The following GRID1 variants were observed in gnomAD, a reference collection of about 807,000 sequenced individuals.
GRID1 encodes the protein glutamate ionotropic receptor delta type subunit 1, also known as glutamate receptor ionotropic, delta-1.
GRID1 carries 28 observed loss-of-function variants against 98.0 expected under a neutral mutation model. The observed-to-expected ratio is 0.29, with a 90% CI of 0.21 to 0.39. The LOEUF is 0.39. GRID1 is among the 10% of genes least tolerant of loss of function. GRID1 has a pLI of 1.00. For missense variants in GRID1, 1,111 were observed against 1,340.5 expected (o/e 0.83, Z 2.67); for synonymous variants, 553 against 538.5 (o/e 1.03, Z -0.37).
chr10:85,655,753 A>G (rs1407042356), intron 12 of GRID1, among the ~76,000 whole-genome samples: 1 of 152,042 alleles, frequency 6.6e-6, no homozygotes, highest in African/African-American at 2.4e-5. Context: ...TTTTCTAGAG[A>G]ACTCCCTTCT....
chr10:85,917,353 TAA>T (rs201156384), intron 4 of GRID1, among the ~76,000 whole-genome samples: 4 of 151,890 alleles, frequency 2.6e-5, no homozygotes, highest in Admixed American at 2.6e-4. Context: ...CCCATCCCAT[TAA>T]AAAAAATATG....
chr10:85,632,165 G>A (rs1842983144), intron 13 of GRID1, among the ~76,000 whole-genome samples: 1 of 152,162 alleles, frequency 6.6e-6, no homozygotes, highest in Admixed American at 6.5e-5. Flanking sequence ...CTTGGTCTTG[G>A]CTTGACTGAG....
intron 13 of GRID1, among the ~76,000 whole-genome samples, chr10:85,630,001 T>C (rs750931264): frequency 6.6e-6 from 1 of 152,206 alleles, no homozygotes; most frequent in Non-Finnish European, 1.5e-5. Flanking sequence ...TGGCCATTTG[T>C]ATGTCTTTGT....
intron 2 of GRID1, among the ~76,000 whole-genome samples, chr10:86,236,025 G>T (rs1392316004): frequency 6.6e-6 from 1 of 152,108 alleles, no homozygotes; most frequent in Non-Finnish European, 1.5e-5. Context: ...AGTGTATGAG[G>T]GTTCCAGTTG....
chr10:85,788,280 G>A (rs540889175), intron 8 of GRID1, among the ~76,000 whole-genome samples: 23 of 152,192 alleles, frequency 1.5e-4, no homozygotes, highest in African/African-American at 5.1e-4. Context: ...GCAGGGAGGC[G>A]CAGTGAGCCT....
intron 12 of GRID1, among the ~76,000 whole-genome samples, chr10:85,665,018 C>T (rs1281812329): frequency 6.6e-6 from 1 of 152,130 alleles, no homozygotes; most frequent in Admixed American, 6.5e-5. Context: ...ACAGTATACA[C>T]TGTATATTAA....
intron 8 of GRID1, among the ~76,000 whole-genome samples, chr10:85,783,348 C>T (rs996607333): frequency 4.6e-5 from 7 of 152,108 alleles, no homozygotes; most frequent in South Asian, 2.1e-4. Flanking sequence ...CATCTGAAGG[C>T]GCTACTCTCT....
intron 2 of GRID1, among the ~76,000 whole-genome samples, chr10:86,215,902 C>T (rs529564794): frequency 5.9e-5 from 9 of 152,240 alleles, no homozygotes; most frequent in African/African-American, 9.6e-5. Flanking sequence ...GATCCTCCAC[C>T]GCTCCCCAGC....
intron 2 of GRID1, among the ~76,000 whole-genome samples, chr10:86,274,272 C>A (rs962310751): frequency 4.6e-5 from 7 of 152,090 alleles, no homozygotes; most frequent in Non-Finnish European, 5.9e-5. Context: ...AGATCTGTAT[C>A]TCTGTTTTGG....
chr10:85,861,240 G>A (rs1406059540), intron 6 of GRID1, among the ~76,000 whole-genome samples: 1 of 152,184 alleles, frequency 6.6e-6, no homozygotes. Context: ...AAGGGATCAT[G>A]TCTGACTCCT....
At chr10:86,046,774 C>T (rs1437657918) in intron 4 of GRID1, among the ~76,000 whole-genome samples, 1 of 149,990 alleles carries the variant, frequency 6.7e-6, no homozygotes. Flanking sequence ...ACAAAACTCA[C>T]AACTTTTGAT....
chr10:85,718,286 G>T (rs1841662497), intron 12 of GRID1, among the ~76,000 whole-genome samples: 1 of 152,168 alleles, frequency 6.6e-6, no homozygotes, highest in Admixed American at 6.5e-5. Context: ...TTTTGCCTGG[G>T]CATCCAGGCA....
At chr10:85,617,983 T>A (rs932414650) in intron 14 of GRID1, among the ~76,000 whole-genome samples, 1 of 152,148 alleles carries the variant, frequency 6.6e-6, no homozygotes, top group African/African-American at 2.4e-5. Context: ...CCAGCAAGGC[T>A]TACGATATTG....
intron 2 of GRID1, among the ~76,000 whole-genome samples, chr10:86,314,354 G>C (rs1040638571): frequency 1.3e-5 from 2 of 152,224 alleles, no homozygotes; most frequent in African/African-American, 4.8e-5. Context: ...AGAAACTCCA[G>C]ATGATGGTAG....
At chr10:86,083,594 A>G (rs1261267632) in intron 4 of GRID1, among the ~76,000 whole-genome samples, 3 of 152,234 alleles carry the variant, frequency 2.0e-5, no homozygotes, top group South Asian at 2.1e-4. Flanking sequence ...AGTGATAGTA[A>G]AAGTCCATCC....
rs115974006 is a variant in GRID1, at chr10:86,341,234, A to G, written c.235+22707T>C. Among the ~76,000 whole-genome samples the G allele has an allele frequency of 7.9e-3, 1,208 of 152,228 alleles. 18 individuals are homozygous for G. The highest frequency in any genetic ancestry group is 0.027 in the African/African-American group (1,142 of 41,530). ...CCATCCTTTCAACTTAGTCCCCTAA[A>G]ACACAAAAACAAAGGGAGCAGAGTG... On this transcript the variant is annotated intron_variant, in intron 2 of 15. Coordinates refer to ENST00000327946, the MANE Select transcript of GRID1 (RefSeq NM_017551.3).
intron 8 of GRID1, among the ~76,000 whole-genome samples, chr10:85,813,504 T>C (rs1339582025): frequency 6.7e-6 from 1 of 149,432 alleles, no homozygotes; most frequent in East Asian, 1.9e-4. Flanking sequence ...TTATATCCTA[T>C]AAAAATATCC....
intron 2 of GRID1, among the ~76,000 whole-genome samples, chr10:86,308,001 C>T (rs1366937788): frequency 1.3e-5 from 2 of 152,114 alleles, no homozygotes; most frequent in Non-Finnish European, 2.9e-5. Flanking sequence ...ATCCCCGGAA[C>T]TTACTCATCT....
At chr10:86,134,228 A>G (rs1449865433) in intron 4 of GRID1, among the ~76,000 whole-genome samples, 1 of 152,214 alleles carries the variant, frequency 6.6e-6, no homozygotes, top group Admixed American at 6.5e-5. Context: ...AGTCTTGGAG[A>G]GGAGGAGGCA....
Sources: gnomAD v4.1 joint callset for allele counts (sites outside exome capture counted in the v4.1 genomes callset) on GRCh38, gnomAD v4.1.1 for gene constraint, MANE v1.5 for transcripts, NCBI Gene and HGNC (gene_info 2026-07-23, HGNC 2026-07-21) for gene names.